WWOX: variants seen among roughly 807,000 people sequenced by gnomAD.
WWOX encodes the protein WW domain containing oxidoreductase.
Under a neutral mutation model 46.2 loss-of-function variants are expected in WWOX, and 69 were observed. The observed-to-expected ratio is 1.49, with a 90% CI of 1.23 to 1.82. WWOX has a LOEUF of 1.82. WWOX is among the 40% of genes most tolerant of loss of function. The pLI is 0.00. For synonymous variants in WWOX, 359 were observed against 202.6 expected, an observed-to-expected ratio of 1.77 and a Z score of -6.56; for missense variants, 919 against 542.6, an observed-to-expected ratio of 1.69 and a Z score of -6.89.
At chr16:79,059,891 A>G (rs576396850) in intron 8 of WWOX, among the ~76,000 whole-genome samples, 133 of 152,330 alleles carry the variant, frequency 8.7e-4, no homozygotes, top group Non-Finnish European at 1.6e-3. Context: ...CAACTTGAGT[A>G]ATTTATCAAG....
At chr16:78,931,636 G>A (rs2045626381) in intron 8 of WWOX, among the ~76,000 whole-genome samples, 1 of 152,210 alleles carries the variant, frequency 6.6e-6, no homozygotes, top group Non-Finnish European at 1.5e-5. Context: ...AAAATATAGT[G>A]CAGAATATGC....
At chr16:78,867,785 CTG>C (rs1291667467) in intron 8 of WWOX, among the ~76,000 whole-genome samples, 6 of 152,170 alleles carry the variant, frequency 3.9e-5, no homozygotes, top group Admixed American at 1.3e-4. Flanking sequence ...TACTGCCAAT[CTG>C]AGGCCTTTTC....
chr16:78,848,696 A>C (rs2052362375), intron 8 of WWOX, among the ~76,000 whole-genome samples: 1 of 152,188 alleles, frequency 6.6e-6, no homozygotes. Context: ...AGCCTAGATC[A>C]GTCTGCTCTC....
intron 4 of WWOX, among the ~76,000 whole-genome samples, chr16:78,154,804 G>A (rs1280662995): frequency 6.6e-6 from 1 of 152,174 alleles, no homozygotes; most frequent in Non-Finnish European, 1.5e-5. Flanking sequence ...AGATCAGTGG[G>A]AGATGTTCTT....
intron 5 of WWOX, among the ~76,000 whole-genome samples, chr16:78,370,488 C>G (rs1417485421): frequency 2.0e-5 from 1 of 49,178 alleles, no homozygotes. Flanking sequence ...CTGGGGGTAT[C>G]TACGATGTTT....
intron 5 of WWOX, among the ~76,000 whole-genome samples, chr16:78,341,725 G>A (rs1412162534): frequency 1.7e-5 from 2 of 120,404 alleles, no homozygotes; most frequent in African/African-American, 5.6e-5. Flanking sequence ...AACCTCCATG[G>A]GTGGCAGGTC....
At chr16:79,080,379 G>T (rs902147159) in intron 8 of WWOX, among the ~76,000 whole-genome samples, 9 of 152,174 alleles carry the variant, frequency 5.9e-5, no homozygotes, top group African/African-American at 2.2e-4. Flanking sequence ...TCAGGAATTT[G>T]CACATTATAG....
At chr16:78,819,766 A>G (rs1038903729) in intron 8 of WWOX, among the ~76,000 whole-genome samples, 3 of 152,218 alleles carry the variant, frequency 2.0e-5, no homozygotes, top group Admixed American at 6.5e-5. Context: ...GTGGAAGGCC[A>G]CAAGCTCACA....
chr16:78,727,448 G>C (rs1181855078), intron 8 of WWOX, among the ~76,000 whole-genome samples: 2 of 152,094 alleles, frequency 1.3e-5, no homozygotes, highest in African/African-American at 4.8e-5. Context: ...TCTGGTCCTG[G>C]TGATCTGAAT....
At chr16:78,436,582 G>T (rs963793578) in intron 8 of WWOX, among the ~76,000 whole-genome samples, 3 of 152,146 alleles carry the variant, frequency 2.0e-5, no homozygotes, top group Non-Finnish European at 4.4e-5. Context: ...CTCTATATTA[G>T]GTTGATACAG....
chr16:78,212,721 G>T (rs917733475), intron 5 of WWOX, among the ~76,000 whole-genome samples: 1 of 152,190 alleles, frequency 6.6e-6, no homozygotes, highest in East Asian at 1.9e-4. Flanking sequence ...TGCCTGGTCT[G>T]CCCTTGATAA....
intron 8 of WWOX, among the ~76,000 whole-genome samples, chr16:79,211,281 A>G (rs2051735475): frequency 6.6e-6 from 1 of 152,218 alleles, no homozygotes; most frequent in African/African-American, 2.4e-5. Flanking sequence ...TTGCACGTTC[A>G]GAAGGATACC....
intron 8 of WWOX, among the ~76,000 whole-genome samples, chr16:78,826,809 C>G (rs1223749842): frequency 2.0e-5 from 3 of 152,168 alleles, no homozygotes; most frequent in African/African-American, 2.4e-5. Context: ...AGGTCACAGT[C>G]ACAGCCACCC....
chr16:78,516,161 C>G (rs528002153), intron 8 of WWOX, among the ~76,000 whole-genome samples: 1 of 152,290 alleles, frequency 6.6e-6, no homozygotes, highest in East Asian at 1.9e-4. Flanking sequence ...CCAGAAGTAC[C>G]TGCTGCCCAA....
intron 8 of WWOX, among the ~76,000 whole-genome samples, chr16:79,117,890 T>C (rs1263753141): frequency 2.0e-5 from 3 of 152,244 alleles, no homozygotes; most frequent in Admixed American, 6.5e-5. Context: ...GATTTTGGCT[T>C]CAGGGAATGT....
chr16:78,564,220 G>A (rs1029317356), intron 8 of WWOX, among the ~76,000 whole-genome samples: 1 of 152,174 alleles, frequency 6.6e-6, no homozygotes, highest in Non-Finnish European at 1.5e-5. Context: ...TATTTGTGAT[G>A]GTTCATTGCA....
chr16:78,655,791 C>G (rs1022556009), intron 8 of WWOX, among the ~76,000 whole-genome samples: 1 of 152,130 alleles, frequency 6.6e-6, no homozygotes, highest in Non-Finnish European at 1.5e-5. Flanking sequence ...GTAAACAAAT[C>G]TGTGATTTGA....
At chr16:78,731,041 A>G (rs2048958046) in intron 8 of WWOX, among the ~76,000 whole-genome samples, 1 of 152,150 alleles carries the variant, frequency 6.6e-6, no homozygotes, top group Admixed American at 6.5e-5. Context: ...CCAACACATT[A>G]TGTTTAGTGT....
At chr16:79,167,098 G>T (rs866044950) in intron 8 of WWOX, among the ~76,000 whole-genome samples, 5 of 151,980 alleles carry the variant, frequency 3.3e-5, no homozygotes, top group Admixed American at 6.6e-5. Flanking sequence ...GTGCTACCAC[G>T]GCCGGCTAAT....
Sources: allele counts gnomAD v4.1 joint callset (sites outside exome capture counted in the v4.1 genomes callset), GRCh38; gene constraint gnomAD v4.1.1; transcripts MANE v1.5; gene names NCBI Gene and HGNC (gene_info 2026-07-23, HGNC 2026-07-21).